The following RALGAPA2 variants were observed in gnomAD, a reference collection of about 807,000 sequenced individuals.
RALGAPA2 encodes ral GTPase-activating protein subunit alpha-2.
In RALGAPA2, 139 loss-of-function variants were observed where a neutral mutation model predicts 230.4. The ratio of observed to expected loss-of-function variants is 0.60; its 90% CI spans 0.53 to 0.69. The LOEUF is 0.69. Ranked by LOEUF, RALGAPA2 falls within the 30% of genes least tolerant of loss-of-function variation. The pLI is 0.00. For synonymous variants in RALGAPA2, 847 were observed against 837.8 expected, an observed-to-expected ratio of 1.01 and a Z score of -0.19; for missense variants, 2,163 against 2,276.0, an observed-to-expected ratio of 0.95 and a Z score of 1.01.
chr20:20,393,023 G>A lies in RALGAPA2; in HGVS notation c.*266C>T. ...GAAGTCCAAGGTTTGTGAGGTTTCA[G>A]GACAAGATGATACAGCCTAGTTTGA... On this transcript the variant is annotated 3_prime_UTR_variant, in exon 40 of 40. Transcript: ENST00000202677. 8.2e-7 allele frequency: 1 copy of A among 1,223,052 alleles called. No homozygotes were observed. The highest frequency in any genetic ancestry group is 1.3e-5 in the South Asian group (1 of 77,486). 75.8% of individuals were successfully genotyped at this position (1,223,052 alleles called of 1,614,324 possible).
intron 26 of RALGAPA2, among the ~76,000 whole-genome samples, chr20:20,535,008 T>C (rs1387761715): frequency 6.6e-6 from 1 of 152,096 alleles, no homozygotes; most frequent in African/African-American, 2.4e-5. Flanking sequence ...ACCAAAGAAA[T>C]TAGACAAAAT....
At chr20:20,633,292 G>A (rs1046502563) in intron 9 of RALGAPA2, among the ~76,000 whole-genome samples, 15 of 151,876 alleles carry the variant, frequency 9.9e-5, no homozygotes, top group South Asian at 2.1e-4. Flanking sequence ...CTACCACCAC[G>A]CCCAGCTAAT....
At position 20,513,027 on chromosome 20, in the gene RALGAPA2, C is replaced by G. The variant is rs763063856; in HGVS notation, c.4342G>C (p.Val1448Leu). Residue 1448 changes from valine to leucine, a missense_variant, in exon 32 of 40, where the codon GTA becomes CTA. By Grantham distance (32) the Val-to-Leu change is conservative (BLOSUM62 1). Transcript: ENST00000202677. The part of the protein sequence containing the change: ...SYLQTPTEGP[V>L]GGSPVGSLSD... ...AGAGAGCCCACTGGTGATCCCCCTACCGGTCCTTCTGTGGGTGTCTGAAGG... is the reference window on the plus strand; with the variant it reads ...AGAGAGCCCACTGGTGATCCCCCTAGCGGTCCTTCTGTGGGTGTCTGAAGG... 1.2e-6 allele frequency: 2 copies of G among 1,613,504 alleles called. No individual in the cohort carries two copies. The highest frequency in any genetic ancestry group is 1.7e-6 in the Non-Finnish European group (2 of 1,179,626).
rs942121437 is a variant in RALGAPA2 at position 20,587,694 on chromosome 20, G to A, written c.2439+1574C>T. ...TCTGTTCATCAAAAGATACCCTAGAGAAGGTAAAAATATAAACCATATATT... is the reference window on the plus strand; with the variant it reads ...TCTGTTCATCAAAAGATACCCTAGAAAAGGTAAAAATATAAACCATATATT... On this transcript the variant is annotated intron_variant, in intron 18 of 39. Coordinates refer to ENST00000202677, the MANE Select transcript of RALGAPA2 (RefSeq NM_020343.4). Among the ~76,000 whole-genome samples the A allele has an allele frequency of 2.1e-4, 32 of 151,922 alleles. 1 individual carries two copies. Among genetic ancestry groups the A allele is most frequent in the African/African-American group, 7.5e-4 (31 of 41,374 alleles).
chr20:20,577,103 G>A (rs898679649), intron 20 of RALGAPA2, among the ~76,000 whole-genome samples: 8 of 151,886 alleles, frequency 5.3e-5, no homozygotes, highest in South Asian at 2.1e-4. Context: ...AAATAAAGCC[G>A]GACTGATTTC....
chr20:20,486,096 T>C (rs1212004888), intron 36 of RALGAPA2, among the ~76,000 whole-genome samples: 1 of 152,170 alleles, frequency 6.6e-6, no homozygotes, highest in Admixed American at 6.5e-5. Flanking sequence ...GCCATGATCA[T>C]GCCACTATAT....
chr20:20,605,284 A>G lies in RALGAPA2; in HGVS notation c.1929T>C (p.Ile643=), dbSNP rs911194355. 6.2e-7 allele frequency: 1 copy of G among 1,613,688 alleles called. No homozygotes were observed. The highest frequency in any genetic ancestry group is 1.3e-5 in the African/African-American group (1 of 74,880). ...CAAGCACTGCTGTCAAGGAGTCCAT[A>G]ATGTTGGCCCACTCGTTTATAAGTT... ...WEELINEWAN[I]MDSLTAVLAR... The change falls in exon 15 of 40, where the codon ATT becomes ATC. Residue 643 remains isoleucine (I), a synonymous_variant. Coordinates refer to ENST00000202677, the MANE Select transcript of RALGAPA2 (RefSeq NM_020343.4).
At chr20:20,442,930 A>T (rs2060770874) in intron 37 of RALGAPA2, among the ~76,000 whole-genome samples, 1 of 152,230 alleles carries the variant, frequency 6.6e-6, no homozygotes, top group African/African-American at 2.4e-5. Flanking sequence ...ATACAAGGAC[A>T]TCTTTTTCTT....
chr20:20,570,234 G>T (rs1013069541), intron 23 of RALGAPA2, among the ~76,000 whole-genome samples: 1 of 152,240 alleles, frequency 6.6e-6, no homozygotes, highest in Middle Eastern at 3.4e-3. Flanking sequence ...GGACAGTATG[G>T]TTATTATTTC....
chr20:20,689,618 G>C (rs959772812), intron 1 of RALGAPA2, among the ~76,000 whole-genome samples: 1 of 152,348 alleles, frequency 6.6e-6, no homozygotes, highest in South Asian at 2.1e-4. Context: ...CACCAGCCTG[G>C]TGACAGGGCG....
intron 1 of RALGAPA2, among the ~76,000 whole-genome samples, chr20:20,699,085 C>T (rs2069237569): frequency 6.6e-6 from 1 of 152,178 alleles, no homozygotes; most frequent in Non-Finnish European, 1.5e-5. Flanking sequence ...TTTACATATA[C>T]ATATATTTTG....
intron 37 of RALGAPA2, among the ~76,000 whole-genome samples, chr20:20,445,480 C>T (rs575080312): frequency 2.6e-5 from 4 of 152,290 alleles, no homozygotes; most frequent in East Asian, 3.9e-4. Flanking sequence ...TCTAATCTGG[C>T]CTTTGGCTCC....
chr20:20,619,803 A>T (rs547703379), intron 11 of RALGAPA2, among the ~76,000 whole-genome samples: 2 of 152,270 alleles, frequency 1.3e-5, no homozygotes, highest in African/African-American at 4.8e-5. Flanking sequence ...TTTTAAAGTG[A>T]CATGCCTCTA....
chr20:20,667,963 G>A (rs2068013502), intron 3 of RALGAPA2, among the ~76,000 whole-genome samples: 1 of 152,140 alleles, frequency 6.6e-6, no homozygotes, highest in Non-Finnish European at 1.5e-5. Context: ...CCTCAGCCAA[G>A]GGCACTCTGG....
chr20:20,658,541 T>C (rs2067664687), intron 3 of RALGAPA2, among the ~76,000 whole-genome samples: 1 of 152,204 alleles, frequency 6.6e-6, no homozygotes, highest in East Asian at 1.9e-4. Flanking sequence ...AGCCACACAG[T>C]GTGAATAAAT....
At chr20:20,606,202 G>C (rs750730436) in intron 14 of RALGAPA2, among the ~76,000 whole-genome samples, 1 of 151,870 alleles carries the variant, frequency 6.6e-6, no homozygotes, top group Non-Finnish European at 1.5e-5. Flanking sequence ...TTCCACACCC[G>C]CTCCATCTCC....
In RALGAPA2 at chr20:20,524,416, T is replaced by C; in HGVS notation, c.3890A>G (p.Tyr1297Cys). ...QHSARAPLLD[Y>C]IYRVLHCCVC... Reference sequence around the variant, plus strand: ...CAGGTGTAGACTCACCCTGTAGATATAATCCAGCAAGGGGGCTCTGGCCGA... The same window carrying C: ...CAGGTGTAGACTCACCCTGTAGATACAATCCAGCAAGGGGGCTCTGGCCGA... The change falls in exon 30 of 40, where the codon TAT becomes TGT. Residue 1297 changes from tyrosine (Y) to cysteine (C), a missense_variant. Transcript: ENST00000202677. 6.2e-7 allele frequency: 1 copy of C among 1,613,784 alleles called. No individual in the cohort carries two copies.
chr20:20,652,856 C>A (rs564670127), intron 4 of RALGAPA2, among the ~76,000 whole-genome samples: 6 of 152,148 alleles, frequency 3.9e-5, no homozygotes, highest in African/African-American at 1.4e-4. Context: ...CTAAAGCATT[C>A]AAAGAGAATA....
At chr20:20,524,361 A>G (rs1427257483) in intron 30 of RALGAPA2, 45 bp downstream of exon 30, 2 of 1,610,024 alleles carry the variant, frequency 1.2e-6, no homozygotes, top group East Asian at 2.2e-5. Flanking sequence ...GTTCTCTGTC[A>G]TATAAACCCA....
Sources: allele counts gnomAD v4.1 joint callset (sites outside exome capture counted in the v4.1 genomes callset), GRCh38; gene constraint gnomAD v4.1.1; transcripts MANE v1.5; gene names NCBI Gene and HGNC (gene_info 2026-07-23, HGNC 2026-07-21).